CHN2: variants seen among roughly 807,000 people sequenced by gnomAD.
CHN2 encodes chimerin 2.
In CHN2, 35 loss-of-function variants were observed where a neutral mutation model predicts 56.3. That is an observed-to-expected ratio of 0.62 (90% confidence interval 0.47 to 0.82). CHN2 has a LOEUF of 0.82. CHN2 is among the 40% of genes least tolerant of loss of function. The pLI, the probability that CHN2 is intolerant of heterozygous loss-of-function variation, is 0.00. For synonymous variants in CHN2, 210 were observed against 212.8 expected, an observed-to-expected ratio of 0.99 and a Z score of 0.12; for missense variants, 491 against 580.5, an observed-to-expected ratio of 0.85 and a Z score of 1.58.
chr7:29,307,098 C>T (rs1794231798), intron 1 of CHN2, among the ~76,000 whole-genome samples: 1 of 152,178 alleles, frequency 6.6e-6, no homozygotes, highest in Non-Finnish European at 1.5e-5. Flanking sequence ...GATTCGCCTT[C>T]AGCTAAATCA....
At chr7:29,195,440 TTTTC>T (rs1310298225) in intron 1 of CHN2, 4 of 167,692 alleles carry the variant, frequency 2.4e-5, no homozygotes, top group Non-Finnish European at 3.8e-5. Context: ...GCAGACTTGA[TTTTC>T]TTTGTTTGTT....
chr7:29,507,090 G>A lies in CHN2; in HGVS notation c.992-138G>A, dbSNP rs1428592399. 3 of 701,566 alleles carry A rather than the reference G, an allele frequency of 4.3e-6. No individual in the cohort carries two copies. In the African/African-American group the frequency reaches 5.5e-5, roughly 13 times the overall value. 43.5% of individuals were successfully genotyped at this position (701,566 alleles called of 1,614,324 possible). ...CCTTTCTGTTGCCTCCTACACTTCA[G>A]TGTTACTAGAAGCCAAAAGAGTTAG... On this transcript the variant is annotated intron_variant, in intron 10 of 12. Transcript: ENST00000222792.
intron 2 of CHN2, among the ~76,000 whole-genome samples, chr7:29,158,517 CTAGTCTTTATGTGATAATATTGA>C (rs891313077): frequency 1.1e-4 from 4 of 36,700 alleles, no homozygotes; most frequent in East Asian, 6.7e-4. Flanking sequence ...ATTGTGTAGC[CTAGTCTTTATGTGATAATATTGA>C]TACTTAAGTT....
chr7:29,384,322 G>C (rs923047197), intron 3 of CHN2, among the ~76,000 whole-genome samples: 1 of 152,162 alleles, frequency 6.6e-6, no homozygotes, highest in African/African-American at 2.4e-5. Context: ...TATGGGCTTT[G>C]GAGTCAATTA....
intron 2 of CHN2, among the ~76,000 whole-genome samples, chr7:29,155,406 T>A (rs1296780247): frequency 6.6e-6 from 1 of 152,170 alleles, no homozygotes; most frequent in Non-Finnish European, 1.5e-5. Flanking sequence ...CCAGCCAAAG[T>A]CATGCTAAGT....
At position 29,291,790 on chromosome 7, in the gene CHN2, G is replaced by A. The variant is rs1792652855; in HGVS notation, c.50-62835G>A. 2.0e-5 allele frequency among the ~76,000 whole-genome samples: 3 copies of A among 152,060 alleles called. No homozygotes were observed. In the South Asian group the frequency reaches 6.2e-4, roughly 31 times the overall value. On this transcript the variant is annotated intron_variant, in intron 1 of 12. Transcript: ENST00000222792. ...GAATTGTTTGATCAAAAACTGCCAC[G>A]ATTCTTACATGAATCTATCCTGTAT...
At chr7:29,426,551 G>A (rs1021012269) in intron 6 of CHN2, among the ~76,000 whole-genome samples, 2 of 152,126 alleles carry the variant, frequency 1.3e-5, no homozygotes, top group Non-Finnish European at 2.9e-5. Context: ...CTTAAAAAAT[G>A]ACATGAGACA....
intron 3 of CHN2, among the ~76,000 whole-genome samples, chr7:29,374,844 CCTTCCTG>C (rs1172403662): frequency 1.3e-4 from 20 of 149,890 alleles, no homozygotes; most frequent in African/African-American, 4.4e-4. Context: ...TTCCTTCCTT[CCTTCCTG>C]CCTCCCTCCC....
chr7:29,501,890 G>T lies in CHN2; in HGVS notation c.913+1850G>T, dbSNP rs60579225. 3.1e-3 allele frequency among the ~76,000 whole-genome samples: 465 copies of T among 152,264 alleles called. 3 individuals are homozygous for T. Among genetic ancestry groups the T allele is most frequent in the African/African-American group, 0.01 (427 of 41,544 alleles). On this transcript the variant is annotated intron_variant, in intron 9 of 12. Coordinates refer to ENST00000222792, the MANE Select transcript of CHN2 (RefSeq NM_004067.4). Reference sequence around the variant, plus strand: ...TCAAGGATTTGAAGTTAAATTATCAGCCCTGTCTCTTACTGGCTGTAGTAT... The same window carrying T: ...TCAAGGATTTGAAGTTAAATTATCATCCCTGTCTCTTACTGGCTGTAGTAT...
chr7:29,242,415 T>A (rs1174605901), intron 1 of CHN2, among the ~76,000 whole-genome samples: 1 of 152,232 alleles, frequency 6.6e-6, no homozygotes, highest in African/African-American at 2.4e-5. Flanking sequence ...TAACTGTGGC[T>A]GCCCTCTGCA....
chr7:29,205,805 G>T (rs1433316792), intron 1 of CHN2, among the ~76,000 whole-genome samples: 1 of 151,958 alleles, frequency 6.6e-6, no homozygotes, highest in Admixed American at 6.6e-5. Context: ...TAGAGGAATG[G>T]TTCTTTATTA....
At chr7:29,255,320 A>G (rs1171196123) in intron 1 of CHN2, among the ~76,000 whole-genome samples, 1 of 152,204 alleles carries the variant, frequency 6.6e-6, no homozygotes, top group Non-Finnish European at 1.5e-5. Context: ...ATCCCGGCAG[A>G]GTCAGGATGA....
chr7:29,463,364 T>C (rs1425021554), intron 6 of CHN2, among the ~76,000 whole-genome samples: 1 of 152,138 alleles, frequency 6.6e-6, no homozygotes, highest in Non-Finnish European at 1.5e-5. Context: ...GGCAAAGCAG[T>C]TGACCACAGA....
At chr7:29,169,492 A>G (rs1416954933) in intron 2 of CHN2, among the ~76,000 whole-genome samples, 1 of 152,238 alleles carries the variant, frequency 6.6e-6, no homozygotes, top group Non-Finnish European at 1.5e-5. Flanking sequence ...TGTTAAAAAT[A>G]AATACAACTG....
At chr7:29,450,087 T>G (rs1344163117) in intron 6 of CHN2, among the ~76,000 whole-genome samples, 1 of 152,196 alleles carries the variant, frequency 6.6e-6, no homozygotes, top group Non-Finnish European at 1.5e-5. Flanking sequence ...GAAGAATCTC[T>G]TGAAGGCAAA....
At chr7:29,165,455 C>G (rs1299419988) in intron 2 of CHN2, among the ~76,000 whole-genome samples, 2 of 152,056 alleles carry the variant, frequency 1.3e-5, no homozygotes, top group African/African-American at 4.8e-5. Context: ...TTTAAATCAC[C>G]TATACTGGTT....
At chr7:29,184,704 G>A (rs1241645387) in intron 2 of CHN2, among the ~76,000 whole-genome samples, 2 of 152,168 alleles carry the variant, frequency 1.3e-5, no homozygotes, top group East Asian at 3.9e-4. Context: ...GTTACTCAGT[G>A]TTCTGATTTA....
chr7:29,400,596 T>C lies in CHN2; in HGVS notation c.344T>C (p.Val115Ala). The change falls in exon 6 of 13, where the codon GTG becomes GCG. Residue 115 changes from valine (V) to alanine (A), a missense_variant. By Grantham distance (64) the Val-to-Ala change is moderately conservative. Transcript: ENST00000222792. ...CTCTTCCACGACGGGAAACACTTTG[T>C]GGGTGAGAAGAGGTTTGAGTCGATT... ...YRLFHDGKHF[V>A]GEKRFESIHD... 6.2e-7 allele frequency: 1 copy of C among 1,614,172 alleles called. No individual in the cohort carries two copies. The highest frequency in any genetic ancestry group is 1.1e-5 in the South Asian group (1 of 91,088).
At chr7:29,269,281 A>G (rs891315988) in intron 1 of CHN2, among the ~76,000 whole-genome samples, 1 of 152,180 alleles carries the variant, frequency 6.6e-6, no homozygotes, top group African/African-American at 2.4e-5. Flanking sequence ...TAGCTCTCAC[A>G]TATGAGTGAG....
Sources: allele counts gnomAD v4.1 joint callset (sites outside exome capture counted in the v4.1 genomes callset), GRCh38; gene constraint gnomAD v4.1.1; transcripts MANE v1.5; gene names NCBI Gene and HGNC (gene_info 2026-07-23, HGNC 2026-07-21).